CSMD1: variants seen among roughly 807,000 people sequenced by gnomAD.
CSMD1 encodes the protein CUB and Sushi multiple domains 1, also known as CUB and sushi domain-containing protein 1.
Under a neutral mutation model 417.5 loss-of-function variants are expected in CSMD1, and 213 were observed. The ratio of observed to expected loss-of-function variants is 0.51; its 90% CI spans 0.46 to 0.57. The LOEUF (loss-of-function observed/expected upper bound fraction) is 0.57, where lower values mean the gene tolerates loss of function less well. Among genes scored for constraint, CSMD1 ranks in the 20% least tolerant of loss-of-function variants. The pLI is 0.00. For missense variants in CSMD1, 6,923 were observed against 4,529.7 expected (o/e 1.53, Z -15.17); for synonymous variants, 2,862 against 1,736.8 (o/e 1.65, Z -16.11).
intron 50 of CSMD1, 51 bp from the exon 51 acceptor site, chr8:3,029,564 C>A (rs943087740): frequency 2.7e-6 from 4 of 1,492,008 alleles, no homozygotes; most frequent in African/African-American, 2.8e-5. Flanking sequence ...TGGAAAACAT[C>A]AGACCGTGCT....
chr8:4,407,774 A>G (rs899628664), intron 3 of CSMD1, among the ~76,000 whole-genome samples: 1 of 152,220 alleles, frequency 6.6e-6, no homozygotes, highest in Admixed American at 6.5e-5. Flanking sequence ...GTAAATACAG[A>G]AATTTTGATA....
intron 4 of CSMD1, among the ~76,000 whole-genome samples, chr8:4,019,030 A>G (rs1796657302): frequency 6.6e-6 from 1 of 152,240 alleles, no homozygotes; most frequent in South Asian, 2.1e-4. Context: ...AGTGACTAAG[A>G]TGAAATCTTT....
At chr8:4,196,614 C>G (rs1318249824) in intron 3 of CSMD1, among the ~76,000 whole-genome samples, 2 of 152,164 alleles carry the variant, frequency 1.3e-5, no homozygotes, top group African/African-American at 4.8e-5. Flanking sequence ...TGTGAATCTT[C>G]AAGGCCAGCA....
intron 1 of CSMD1, among the ~76,000 whole-genome samples, chr8:4,779,560 A>G (rs1797042548): frequency 6.6e-6 from 1 of 152,220 alleles, no homozygotes; most frequent in Admixed American, 6.5e-5. Flanking sequence ...TGTCAAGAAC[A>G]AAACGGATAT....
chr8:4,271,656 T>TA (rs781441115), intron 3 of CSMD1, among the ~76,000 whole-genome samples: 1 of 152,066 alleles, frequency 6.6e-6, no homozygotes, highest in African/African-American at 2.4e-5. Flanking sequence ...AAAGAAATGG[T>TA]AAAATACATC....
At chr8:3,556,251 G>A (rs1226420375) in intron 10 of CSMD1, among the ~76,000 whole-genome samples, 1 of 150,676 alleles carries the variant, frequency 6.6e-6, no homozygotes, top group Non-Finnish European at 1.5e-5. Context: ...CATGTTTTTT[G>A]GTACCCATTA....
chr8:4,039,898 A>C (rs1168578661), intron 3 of CSMD1, among the ~76,000 whole-genome samples: 1 of 152,226 alleles, frequency 6.6e-6, no homozygotes, highest in African/African-American at 2.4e-5. Flanking sequence ...CTTAGTTTCT[A>C]CATCTTAGAA....
chr8:4,973,194 C>T (rs916867380), intron 1 of CSMD1, among the ~76,000 whole-genome samples: 1 of 151,870 alleles, frequency 6.6e-6, no homozygotes, highest in East Asian at 1.9e-4. Flanking sequence ...CTTTTTAGTG[C>T]CTTTTTGGTT....
At chr8:4,795,241 T>A (rs1022373789) in intron 1 of CSMD1, among the ~76,000 whole-genome samples, 1 of 144,452 alleles carries the variant, frequency 6.9e-6, no homozygotes, top group Admixed American at 7.0e-5. Context: ...CTAGGTCTGC[T>A]GGTGTCATAG....
intron 5 of CSMD1, among the ~76,000 whole-genome samples, chr8:3,771,711 C>G (rs143025491): frequency 0.011 from 1,619 of 152,236 alleles, 15 homozygotes; most frequent in South Asian, 0.025. Context: ...GAGGTAAAAG[C>G]AGACAAAACG....
At chr8:3,175,273 G>T (rs554238998) in intron 37 of CSMD1, among the ~76,000 whole-genome samples, 35 of 152,266 alleles carry the variant, frequency 2.3e-4, no homozygotes, top group African/African-American at 7.5e-4. Flanking sequence ...AATAATGAAA[G>T]AGTTGTTATA....
chr8:3,976,835 T>A (rs1002824023), intron 5 of CSMD1, among the ~76,000 whole-genome samples: 12 of 152,074 alleles, frequency 7.9e-5, no homozygotes, highest in Non-Finnish European at 1.8e-4. Flanking sequence ...CCTCAACCAC[T>A]GCACTGACCT....
intron 3 of CSMD1, among the ~76,000 whole-genome samples, chr8:4,305,645 G>A (rs575600179): frequency 2.0e-5 from 3 of 152,304 alleles, no homozygotes; most frequent in East Asian, 1.9e-4. Flanking sequence ...GACTCAAAAA[G>A]GCATAACATC....
chr8:3,702,083 T>C (rs1412264356), intron 7 of CSMD1: 1 of 152,222 alleles, frequency 6.6e-6, no homozygotes, highest in East Asian at 1.9e-4. Flanking sequence ...GGGGCATTTA[T>C]TTTATAATGT....
chr8:4,137,019 T>G (rs913162677), intron 3 of CSMD1, among the ~76,000 whole-genome samples: 24 of 152,234 alleles, frequency 1.6e-4, no homozygotes, highest in African/African-American at 5.8e-4. Context: ...AGCTGTGTAT[T>G]TTTACAACAT....
intron 5 of CSMD1, among the ~76,000 whole-genome samples, chr8:3,850,845 G>A (rs1803855507): frequency 1.3e-5 from 2 of 152,252 alleles, no homozygotes; most frequent in African/African-American, 4.8e-5. Flanking sequence ...AAAAATGATA[G>A]ATACTCTACA....
chr8:3,068,968 A>C (rs2406583), intron 49 of CSMD1, among the ~76,000 whole-genome samples: 72,138 of 151,870 alleles, frequency 0.47, 17,423 homozygotes, highest in Non-Finnish European at 0.48. Context: ...AACAGAAGCC[A>C]AAAGTTCATA....
chr8:3,046,511 G>A (rs2128986330), intron 50 of CSMD1, among the ~76,000 whole-genome samples: 1 of 152,252 alleles, frequency 6.6e-6, no homozygotes, highest in Non-Finnish European at 1.5e-5. Flanking sequence ...CATGTCTCCT[G>A]ATCCTCGCCC....
rs1584963214 is a variant in CSMD1 at position 4,994,432 on chromosome 8, A to G, written c.-16T>C. Reference sequence around the variant, plus strand: ...ACGCAGTCATGTCTGCAGATACTCCACACGCACGCGACACCGATGGCTCCT... The same window carrying G: ...ACGCAGTCATGTCTGCAGATACTCCGCACGCACGCGACACCGATGGCTCCT... On this transcript the variant is annotated 5_prime_UTR_variant, in exon 1 of 70. Coordinates refer to ENST00000635120, the MANE Select transcript of CSMD1 (RefSeq NM_033225.6). 1 of 1,607,408 alleles carries G rather than the reference A, an allele frequency of 6.2e-7. No individual in the cohort carries two copies. The highest frequency in any genetic ancestry group is 8.5e-7 in the Non-Finnish European group (1 of 1,176,922).
Sources: gnomAD v4.1 joint callset for allele counts (sites outside exome capture counted in the v4.1 genomes callset) on GRCh38, gnomAD v4.1.1 for gene constraint, MANE v1.5 for transcripts, NCBI Gene and HGNC (gene_info 2026-07-23, HGNC 2026-07-21) for gene names.